The following DPP6 variants were observed in gnomAD, a reference collection of about 807,000 sequenced individuals.
DPP6 encodes dipeptidyl peptidase like 6, also known as A-type potassium channel modulatory protein DPP6.
A neutral mutation model predicts 122.6 loss-of-function variants in DPP6; 69 were observed. The observed-to-expected ratio is 0.56, with a 90% CI of 0.46 to 0.69. The LOEUF is 0.69. DPP6 is among the 30% of genes least tolerant of loss of function. The probability of loss-of-function intolerance (pLI) is 0.00; values close to 1 mark genes in which losing one functional copy is unlikely to be tolerated. For synonymous variants in DPP6, 418 were observed against 433.1 expected (o/e 0.97, Z 0.43); for missense variants, 928 against 1,116.9 (o/e 0.83, Z 2.41).
chr7:154,589,802 G>A (rs1009218457), intron 5 of DPP6, among the ~76,000 whole-genome samples: 2 of 152,192 alleles, frequency 1.3e-5, no homozygotes, highest in Non-Finnish European at 2.9e-5. Context: ...AGCCGAACAA[G>A]TGTTTCAGAT....
At chr7:153,854,382 A>C in the DPP6 span, among the ~76,000 whole-genome samples, 72 of 152,096 alleles carry the variant, frequency 4.7e-4, no homozygotes, top group African/African-American at 1.6e-3. Context: ...AACTCCAACA[A>C]ATTTACAAGA....
At chr7:154,798,947 A>C (rs1798194852) in intron 12 of DPP6, among the ~76,000 whole-genome samples, 1 of 152,218 alleles carries the variant, frequency 6.6e-6, no homozygotes, top group South Asian at 2.1e-4. Context: ...TGCTTCAGAC[A>C]GAGCCTAAGG....
chr7:154,158,373 T>C (rs1174657784), intron 1 of DPP6, among the ~76,000 whole-genome samples: 1 of 151,672 alleles, frequency 6.6e-6, no homozygotes, highest in Non-Finnish European at 1.5e-5. Flanking sequence ...TTCTGGGGGG[T>C]TTCCTAACCT....
Position 154,769,499 on chromosome 7 carries a change from T to G in DPP6, c.966T>G (p.Arg322=). Residue 322 remains arginine (R), a synonymous_variant, in exon 9 of 26, where the codon CGT becomes CGG. Coordinates refer to ENST00000377770, the MANE Select transcript of DPP6 (RefSeq NM_130797.4). ...CCTACGCCGCCATCAATGATTCCCG[T>G]GTCCCCATCATGGAGCTCCCAACTT... ...RLAYAAINDS[R]VPIMELPTYT... is the part of the protein sequence containing the mutation. The G allele has an allele frequency of 6.2e-7, 1 of 1,613,734 alleles. No individual in the cohort carries two copies. Among genetic ancestry groups the G allele is most frequent in the Non-Finnish European group, 8.5e-7 (1 of 1,179,824 alleles).
intron 1 of DPP6, among the ~76,000 whole-genome samples, chr7:154,321,021 G>T (rs1585929801): frequency 6.6e-6 from 1 of 152,186 alleles, no homozygotes; most frequent in East Asian, 1.9e-4. Context: ...TGTGCTCTAG[G>T]CATTGATTAT....
rs1206777460 is a variant in DPP6, at chr7:154,624,751, T to C, written c.628-13070T>C. On this transcript the variant is annotated intron_variant, in intron 5 of 25. Transcript: ENST00000377770. The surrounding 1 kb of genome is among the most constrained non-coding windows in gnomAD (Gnocchi z 4.7). ...AAACAGTGTCTCCCAGGAAGAAACCTGTTAATCTGCACCATGTCAGGGACC... is the reference window on the plus strand; with the variant it reads ...AAACAGTGTCTCCCAGGAAGAAACCCGTTAATCTGCACCATGTCAGGGACC... Among the ~76,000 whole-genome samples, 2 of 152,186 alleles carry C rather than the reference T, an allele frequency of 1.3e-5. No homozygotes were observed. The highest frequency in any genetic ancestry group is 2.9e-5 in the Non-Finnish European group (2 of 68,038).
At chr7:154,633,437 T>C (rs1835528220) in intron 5 of DPP6, among the ~76,000 whole-genome samples, 2 of 152,162 alleles carry the variant, frequency 1.3e-5, no homozygotes, top group Admixed American at 6.5e-5. Flanking sequence ...AGTTTCACCA[T>C]GTTGACTAGG....
intron 1 of DPP6, among the ~76,000 whole-genome samples, chr7:154,172,943 A>C (rs898420661): frequency 2.0e-5 from 3 of 152,198 alleles, no homozygotes; most frequent in Non-Finnish European, 4.4e-5. Context: ...GCTTTAACAG[A>C]AAACATTATA....
At chr7:154,029,390 G>A (rs1235432590) in intron 1 of DPP6, among the ~76,000 whole-genome samples, 7 of 151,708 alleles carry the variant, frequency 4.6e-5, no homozygotes, top group East Asian at 2.0e-4. Context: ...GGTGGCGGGC[G>A]CCTGTAGTCC....
chr7:154,077,957 CTG>C (rs1404615036), intron 1 of DPP6, among the ~76,000 whole-genome samples: 1 of 152,154 alleles, frequency 6.6e-6, no homozygotes, highest in Non-Finnish European at 1.5e-5. Context: ...GCATGAGCTA[CTG>C]CTCCCGGCCA....
intron 1 of DPP6, among the ~76,000 whole-genome samples, chr7:154,077,940 A>G (rs1306903561): frequency 6.6e-6 from 1 of 152,096 alleles, no homozygotes; most frequent in Non-Finnish European, 1.5e-5. Context: ...AAGTGTCGGG[A>G]TTACAGGCAT....
At chr7:153,888,005 G>C (rs1217512285) in intron 1 of DPP6, among the ~76,000 whole-genome samples, 1 of 152,222 alleles carries the variant, frequency 6.6e-6, no homozygotes, top group Non-Finnish European at 1.5e-5. Context: ...CGCGGGATGG[G>C]AGGAAGGGGC....
chr7:154,561,127 G>A (rs1218432788), intron 4 of DPP6, among the ~76,000 whole-genome samples: 1 of 152,184 alleles, frequency 6.6e-6, no homozygotes, highest in African/African-American at 2.4e-5. Flanking sequence ...TGAACCAAAA[G>A]AAGAAATAGA....
rs1391905583 is a variant in DPP6, at chr7:154,481,369, G to A, written c.457+6332G>A. On this transcript the variant is annotated intron_variant, in intron 3 of 25. Transcript: ENST00000377770. The surrounding 1 kb of genome is among the most constrained non-coding windows in gnomAD (Gnocchi z 4.2). ...GGGGTGTGTGTGTGTGTGTGTGTGT[G>A]TGTGTCTGTGTGTGTGTGCATGTCA... Among the ~76,000 whole-genome samples the A allele has an allele frequency of 6.6e-6, 1 of 151,664 alleles. No individual in the cohort carries two copies. Among genetic ancestry groups the A allele is most frequent in the South Asian group, 2.1e-4 (1 of 4,792 alleles).
chr7:154,615,040 C>A (rs139875994), intron 5 of DPP6, among the ~76,000 whole-genome samples: 1 of 152,130 alleles, frequency 6.6e-6, no homozygotes, highest in Non-Finnish European at 1.5e-5. Flanking sequence ...TGACAAGAGA[C>A]GGTCAGAACT....
chr7:154,080,781 G>A (rs904417288), intron 1 of DPP6, among the ~76,000 whole-genome samples: 7 of 152,124 alleles, frequency 4.6e-5, no homozygotes, highest in Admixed American at 6.5e-5. Flanking sequence ...ATCCATGCCC[G>A]TCTTGATGGA....
chr7:153,761,405 TC>T, the DPP6 span, among the ~76,000 whole-genome samples: 1 of 152,256 alleles, frequency 6.6e-6, no homozygotes, highest in Non-Finnish European at 1.5e-5. Flanking sequence ...AAACCCATAC[TC>T]TGCATATCTG....
At chr7:154,135,099 G>T (rs1795479233) in intron 1 of DPP6, among the ~76,000 whole-genome samples, 2 of 151,498 alleles carry the variant, frequency 1.3e-5, no homozygotes, top group South Asian at 4.2e-4. Flanking sequence ...TTTACCTCCT[G>T]TGAGCCCACA....
chr7:154,063,543 G>C (rs190959268), intron 1 of DPP6, among the ~76,000 whole-genome samples: 1 of 109,652 alleles, frequency 9.1e-6, no homozygotes, highest in African/African-American at 3.8e-5. Flanking sequence ...CCCCCGCGAG[G>C]GTGGGGACTG....
Sources: allele counts gnomAD v4.1 joint callset (sites outside exome capture counted in the v4.1 genomes callset), GRCh38; gene constraint gnomAD v4.1.1; non-coding constraint Gnocchi (gnomAD v3.1); transcripts MANE v1.5; gene names NCBI Gene and HGNC (gene_info 2026-07-23, HGNC 2026-07-21).